SECISBP2L: variants seen among roughly 807,000 people sequenced by gnomAD.
SECISBP2L encodes the protein selenocysteine insertion sequence-binding protein 2-like.
A neutral mutation model predicts 114.7 loss-of-function variants in SECISBP2L; 43 were observed. The ratio of observed to expected loss-of-function variants is 0.38; its 90% CI spans 0.29 to 0.48. SECISBP2L has a LOEUF of 0.48. SECISBP2L is among the 20% of genes least tolerant of loss of function. The pLI is 0.98. For synonymous variants in SECISBP2L, 451 were observed against 439.7 expected (o/e 1.03, Z -0.32); for missense variants, 1,136 against 1,301.1 (o/e 0.87, Z 1.95).
intron 2 of SECISBP2L, 62 bp downstream of exon 2, chr15:49,037,529 G>C: frequency 7.0e-7 from 1 of 1,432,260 alleles, no homozygotes; most frequent in Non-Finnish European, 9.6e-7. Flanking sequence ...AAAATATTAA[G>C]TGCACTTTGC....
At chr15:49,028,009 C>T (rs1167517497) in intron 6 of SECISBP2L, 135 bp downstream of exon 6, 3 of 802,772 alleles carry the variant, frequency 3.7e-6, no homozygotes, top group African/African-American at 3.5e-5. Flanking sequence ...CAAAACTGTA[C>T]TTCCAAATTA....
At chr15:49,015,151 A>G (rs1049491062) in intron 11 of SECISBP2L, among the ~76,000 whole-genome samples, 1 of 152,202 alleles carries the variant, frequency 6.6e-6, no homozygotes, top group Non-Finnish European at 1.5e-5. Flanking sequence ...AAGGTTAAGT[A>G]ACTTGCCAAT....
intron 14 of SECISBP2L, among the ~76,000 whole-genome samples, chr15:49,006,002 T>G (rs1902316182): frequency 1.3e-5 from 2 of 152,170 alleles, no homozygotes; most frequent in African/African-American, 4.8e-5. Context: ...TATTTCTCCT[T>G]TGTTTATGAA....
At chr15:49,044,148 A>AC (rs1166673991) in intron 1 of SECISBP2L, among the ~76,000 whole-genome samples, 1 of 152,178 alleles carries the variant, frequency 6.6e-6, no homozygotes, top group East Asian at 1.9e-4. Context: ...GAGTATGTCA[A>AC]CACTGGTCTA....
chr15:49,028,012 C>T (rs1902785986), intron 6 of SECISBP2L, 132 bp downstream of exon 6: 1 of 820,576 alleles, frequency 1.2e-6, no homozygotes, highest in African/African-American at 1.8e-5. Context: ...AACTGTACTT[C>T]CAAATTACCT....
intron 16 of SECISBP2L, among the ~76,000 whole-genome samples, chr15:48,999,232 C>T (rs1467108128): frequency 6.6e-6 from 1 of 152,172 alleles, no homozygotes; most frequent in Non-Finnish European, 1.5e-5. Flanking sequence ...ATTGATATCA[C>T]AAAGTACTTC....
At position 48,988,697 on chromosome 15, in the gene SECISBP2L, C is replaced by T. The variant is rs1262334284; in HGVS notation, c.*3547G>A. Reference sequence around the variant, plus strand: ...AATCCCCACTAGTATTTACATAGTGCAAAAAAGCTGTTATTACCCCCCAAA... The same window carrying T: ...AATCCCCACTAGTATTTACATAGTGTAAAAAAGCTGTTATTACCCCCCAAA... On this transcript the variant is annotated 3_prime_UTR_variant, in exon 18 of 18. Coordinates refer to ENST00000559471, the MANE Select transcript of SECISBP2L (RefSeq NM_001193489.2). The T allele has an allele frequency of 9.3e-6, 4 of 428,356 alleles. No homozygotes were observed. The highest frequency in any genetic ancestry group is 1.9e-5 in the Non-Finnish European group (4 of 212,736). 26.5% of individuals were successfully genotyped at this position (428,356 alleles called of 1,614,324 possible).
At chr15:49,002,935 T>C (rs1308636639) in intron 14 of SECISBP2L, among the ~76,000 whole-genome samples, 2 of 152,232 alleles carry the variant, frequency 1.3e-5, no homozygotes, top group Non-Finnish European at 2.9e-5. Flanking sequence ...CTATATGGGC[T>C]CTTTTTTGGT....
chr15:49,029,959 T>C (rs1170271583), intron 4 of SECISBP2L, among the ~76,000 whole-genome samples: 5 of 151,484 alleles, frequency 3.3e-5, no homozygotes, highest in Admixed American at 1.3e-4. Flanking sequence ...TTTATTAATA[T>C]TACTTTTGAA....
chr15:49,020,922 G>A (rs894611421), intron 7 of SECISBP2L, among the ~76,000 whole-genome samples: 1 of 152,090 alleles, frequency 6.6e-6, no homozygotes, highest in South Asian at 2.1e-4. Flanking sequence ...AGATTTAAGA[G>A]AATAAGCTTT....
rs764609308 is a variant in SECISBP2L at position 49,028,170 on chromosome 15, TA to T, written c.895-3del. ...TGCACACATAGATGATTCCACATGC[TA>T]AAAAAAGAAACAAAAAGACAATTAT... is the stretch of plus-strand genomic sequence containing the variant. On this transcript the variant is annotated splice_polypyrimidine_tract_variant and splice_region_variant and intron_variant, in intron 5 of 17. Transcript: ENST00000559471. The T allele has an allele frequency of 5.7e-6, 9 of 1,574,984 alleles. No individual in the cohort carries two copies. The Admixed American group carries it at 7.6e-5, about 13-fold the overall frequency.
chr15:49,010,511 T>G (rs910189837), intron 13 of SECISBP2L, among the ~76,000 whole-genome samples: 2 of 152,112 alleles, frequency 1.3e-5, no homozygotes, highest in African/African-American at 4.8e-5. Flanking sequence ...TTTTTGGTTT[T>G]TTTGTTTGTT....
At chr15:49,030,351 C>T (rs1902860281) in intron 4 of SECISBP2L, among the ~76,000 whole-genome samples, 1 of 152,118 alleles carries the variant, frequency 6.6e-6, no homozygotes, top group African/African-American at 2.4e-5. Flanking sequence ...AATCAAATAC[C>T]CCCTCTCTTT....
intron 9 of SECISBP2L, among the ~76,000 whole-genome samples, chr15:49,017,263 A>G (rs144951345): frequency 1.6e-4 from 25 of 152,332 alleles, no homozygotes; most frequent in African/African-American, 5.3e-4. Flanking sequence ...AAATACATCC[A>G]AAGTAAAATT....
intron 14 of SECISBP2L, among the ~76,000 whole-genome samples, chr15:49,007,645 CCTG>C (rs963483170): frequency 5.3e-5 from 8 of 152,288 alleles, no homozygotes; most frequent in African/African-American, 1.9e-4. Flanking sequence ...CAAATGACAA[CCTG>C]CTATTAGATA....
intron 1 of SECISBP2L, among the ~76,000 whole-genome samples, chr15:49,039,104 T>C (rs1051380227): frequency 2.6e-5 from 4 of 152,210 alleles, no homozygotes; most frequent in African/African-American, 9.6e-5. Context: ...TGGTAAAATC[T>C]GAACTGTCCA....
Position 49,035,568 on chromosome 15 carries a change from A to G in SECISBP2L, c.294T>C (p.Ala98=), listed in dbSNP as rs1483127539. 2.5e-6 allele frequency: 4 copies of G among 1,614,210 alleles called. No individual in the cohort carries two copies. The highest frequency in any genetic ancestry group is 1.7e-5 in the Admixed American group (1 of 60,020). ...GPYFAYPIIS[A]QPPVSTEYTY... ...TATACTCTGTAGAAACAGGCGGCTGAGCAGATATAATGGGATAGGCAAAGT... is the reference window on the plus strand; with the variant it reads ...TATACTCTGTAGAAACAGGCGGCTGGGCAGATATAATGGGATAGGCAAAGT... Residue 98 remains alanine (A), a synonymous_variant, in exon 3 of 18, where the codon GCT becomes GCC. Transcript: ENST00000559471.
Position 48,999,814 on chromosome 15 carries a change from G to A in SECISBP2L, c.2403+19C>T, listed in dbSNP as rs1480853713. ...GGGATGTGCTGGAGAGCAAGAGTGT[G>A]TGTCTTCTAAATTCTTACCTCAGCA... is the stretch of plus-strand genomic sequence containing the variant. On this transcript the variant is annotated intron_variant, in intron 16 of 17. Transcript: ENST00000559471. The A allele has an allele frequency of 6.2e-7, 1 of 1,611,190 alleles. No homozygotes were observed. The highest frequency in any genetic ancestry group is 8.5e-7 in the Non-Finnish European group (1 of 1,177,812).
In SECISBP2L at chr15:49,046,262, C is replaced by A; in HGVS notation, c.24+14G>T. 1 of 1,563,462 alleles carries A rather than the reference C, an allele frequency of 6.4e-7. No homozygotes were observed. Among genetic ancestry groups the A allele is most frequent in the Non-Finnish European group, 8.6e-7 (1 of 1,157,472 alleles). On this transcript the variant is annotated intron_variant, in intron 1 of 17. Transcript: ENST00000559471. ...CAACCCCCGGCTCGGCGGGCCCAGCCCAAACCCGCGTACCTGCTCCGTGGG... is the reference window on the plus strand; with the variant it reads ...CAACCCCCGGCTCGGCGGGCCCAGCACAAACCCGCGTACCTGCTCCGTGGG...
Sources: gnomAD v4.1 joint callset for allele counts (sites outside exome capture counted in the v4.1 genomes callset) on GRCh38, gnomAD v4.1.1 for gene constraint, MANE v1.5 for transcripts, NCBI Gene and HGNC (gene_info 2026-07-23, HGNC 2026-07-21) for gene names.